Variants in UNC79 observed in about 807,000 individuals in gnomAD.
UNC79 encodes the protein unc-79 subunit of NALCN channel complex.
UNC79 carries 37 observed loss-of-function variants against 283.1 expected under a neutral mutation model. That is an observed-to-expected ratio of 0.13 (90% CI 0.10 to 0.17). UNC79 has a LOEUF of 0.17. Ranked by LOEUF, UNC79 falls within the 10% of genes least tolerant of loss-of-function variation. The probability of loss-of-function intolerance (pLI) is 1.00; values close to 1 mark genes in which losing one functional copy is unlikely to be tolerated. For synonymous variants in UNC79, 1,107 were observed against 1,200.2 expected (o/e 0.92, Z 1.61); for missense variants, 2,272 against 3,211.1 (o/e 0.71, Z 7.07).
chr14:93,522,540 A>G (rs2060368997), intron 7 of UNC79, among the ~76,000 whole-genome samples: 3 of 152,070 alleles, frequency 2.0e-5, no homozygotes, highest in Admixed American at 1.3e-4. Context: ...TTTTTCCTCT[A>G]TGTTACTCTA....
rs775342357 is a variant in UNC79, at chr14:93,617,264, G to A, written c.4184G>A (p.Arg1395Gln). Reference sequence around the variant, plus strand: ...CTCTGGTCCCTAAAGCCTCACATCCGGCAGATGTGGTTGAAGGCCTTGCTT... The same window carrying A: ...CTCTGGTCCCTAAAGCCTCACATCCAGCAGATGTGGTTGAAGGCCTTGCTT... The change falls in exon 28 of 49, where the codon CGG becomes CAG. Residue 1395 changes from arginine to glutamine, a missense_variant. Transcript: ENST00000555664. The surrounding 1 kb of genome is among the most constrained non-coding windows in gnomAD (Gnocchi z 4.5). 9.3e-6 allele frequency: 15 copies of A among 1,614,070 alleles called. No individual in the cohort carries two copies. Among genetic ancestry groups the A allele is most frequent in the African/African-American group, 1.3e-5 (1 of 75,012 alleles).
At chr14:93,665,216 G>A (rs1213881076) in intron 40 of UNC79, among the ~76,000 whole-genome samples, 2 of 146,446 alleles carry the variant, frequency 1.4e-5, no homozygotes, top group Non-Finnish European at 3.0e-5. Flanking sequence ...AATAGATTTA[G>A]TCATTTCAAA....
chr14:93,492,556 G>C (rs2058781911), intron 5 of UNC79, among the ~76,000 whole-genome samples: 1 of 152,088 alleles, frequency 6.6e-6, no homozygotes, highest in Non-Finnish European at 1.5e-5. Context: ...ATTTCATCAT[G>C]TTTGCCAGAC....
At chr14:93,620,498 T>G (rs1347681794) in intron 29 of UNC79, among the ~76,000 whole-genome samples, 1 of 152,180 alleles carries the variant, frequency 6.6e-6, no homozygotes, top group Non-Finnish European at 1.5e-5. Flanking sequence ...TAATTTCCTT[T>G]CGCCAAATCA....
chr14:93,619,270 G>T (rs570299830), intron 29 of UNC79, among the ~76,000 whole-genome samples: 13 of 152,218 alleles, frequency 8.5e-5, no homozygotes, highest in African/African-American at 3.1e-4. Flanking sequence ...CCAGTTTAGG[G>T]TTTAGTCTCT....
Position 93,703,573 on chromosome 14 carries a change from A to T in UNC79, c.7549-1052A>T, listed in dbSNP as rs540362631. 2.6e-5 allele frequency among the ~76,000 whole-genome samples: 4 copies of T among 152,304 alleles called. No homozygotes were observed. In the East Asian group the frequency reaches 7.7e-4, roughly 29 times the overall value. ...TGACCCCATCTTAACTAATTTACATATTCAACAATCCCATTTCCAAATAAG... is the reference window on the plus strand; with the variant it reads ...TGACCCCATCTTAACTAATTTACATTTTCAACAATCCCATTTCCAAATAAG... On this transcript the variant is annotated intron_variant, in intron 47 of 48. Coordinates refer to ENST00000555664, the Ensembl canonical transcript of UNC79.
rs1293366576 is a variant in UNC79, at chr14:93,688,595, C to T, written c.6910-70C>T. ...AGCGGGGTGGAAATGACAACCTCTTCTTTTCAAAGAATGGCCTGGAATGAA... is the reference window on the plus strand; with the variant it reads ...AGCGGGGTGGAAATGACAACCTCTTTTTTTCAAAGAATGGCCTGGAATGAA... On this transcript the variant is annotated intron_variant, in intron 43 of 48. Coordinates refer to ENST00000555664, the Ensembl canonical transcript of UNC79. This position sits in a 1 kb window ranked among gnomAD's most constrained non-coding sequence, Gnocchi z 4.0. The T allele has an allele frequency of 5.2e-6, 8 of 1,541,066 alleles. No homozygotes were observed. The highest frequency in any genetic ancestry group is 7.0e-6 in the Non-Finnish European group (8 of 1,138,694).
chr14:93,545,490 T>C (rs1039121358), intron 14 of UNC79, among the ~76,000 whole-genome samples: 1 of 152,202 alleles, frequency 6.6e-6, no homozygotes, highest in Non-Finnish European at 1.5e-5. Context: ...TTGGGTGAAT[T>C]CCTTTCTCCT....
At chr14:93,532,724 G>A (rs747493785) in intron 11 of UNC79, 146 bp downstream of exon 11, 9 of 939,220 alleles carry the variant, frequency 9.6e-6, no homozygotes, top group Non-Finnish European at 1.4e-5. Flanking sequence ...AAATAATTTA[G>A]CATGCAAGAT....
At chr14:93,441,262 A>G (rs758834831) in intron 1 of UNC79, among the ~76,000 whole-genome samples, 14 of 151,782 alleles carry the variant, frequency 9.2e-5, no homozygotes, top group Non-Finnish European at 1.5e-4. Context: ...TTTTCTTTTT[A>G]TTTGTGTTTG....
Position 93,542,711 on chromosome 14 carries a change from A to T in UNC79, c.1755+15A>T, listed in dbSNP as rs2061430349. The T allele has an allele frequency of 2.5e-6, 4 of 1,613,758 alleles. No homozygotes were observed. The highest frequency in any genetic ancestry group is 1.7e-4 in the Middle Eastern group (1 of 6,054). On this transcript the variant is annotated intron_variant, in intron 14 of 48. Coordinates refer to ENST00000555664, the Ensembl canonical transcript of UNC79. ...AATTTGCCAGGGTAAGTGGAGGCCT[A>T]CAGCTCACACCTTGTTAGAGAGGAG...
chr14:93,630,178 C>T (rs2067907689), intron 30 of UNC79, among the ~76,000 whole-genome samples: 1 of 152,224 alleles, frequency 6.6e-6, no homozygotes, highest in African/African-American at 2.4e-5. Flanking sequence ...GGGTTGAGTA[C>T]AGTCCATGCT....
Position 93,400,450 on chromosome 14 carries a change from T to C in UNC79, c.-351+66927T>C, listed in dbSNP as rs537747485. The stretch of plus-strand genomic sequence containing the variant: ...GTTAAATATGGTATAAATTAGCAGA[T>C]AAGTGCCACATGAATGGTTCAGGAA... On this transcript the variant is annotated intron_variant, in intron 1 of 49. Coordinates refer to the UNC79 transcript ENST00000256339. 3.9e-5 allele frequency among the ~76,000 whole-genome samples: 6 copies of C among 152,194 alleles called. No individual in the cohort carries two copies. In the East Asian group the frequency reaches 1.2e-3, roughly 29 times the overall value.
At chr14:93,348,983 A>T (rs1236134620) in intron 1 of UNC79, among the ~76,000 whole-genome samples, 2 of 152,206 alleles carry the variant, frequency 1.3e-5, no homozygotes, top group African/African-American at 4.8e-5. Flanking sequence ...CTTCGCAATA[A>T]ATCTTGCTGC....
rs1195772496 is a variant in UNC79 at position 93,688,152 on chromosome 14, C to T, written c.6910-513C>T. 1.3e-5 allele frequency among the ~76,000 whole-genome samples: 2 copies of T among 152,128 alleles called. No homozygotes were observed. The highest frequency in any genetic ancestry group is 4.8e-5 in the African/African-American group (2 of 41,406). ...TTGGGGATGCTGTGATGAGCAAAAG[C>T]GGACACAGTAGCTGCTCTCATTTAA... On this transcript the variant is annotated intron_variant, in intron 43 of 48. Coordinates refer to ENST00000555664, the Ensembl canonical transcript of UNC79. This position sits in a 1 kb window ranked among gnomAD's most constrained non-coding sequence, Gnocchi z 4.0.
chr14:93,678,753 A>C (rs1214895426), intron 41 of UNC79, among the ~76,000 whole-genome samples: 3 of 152,194 alleles, frequency 2.0e-5, no homozygotes, highest in Non-Finnish European at 2.9e-5. Flanking sequence ...TTTACATATG[A>C]AGTTTACATA....
intron 7 of UNC79, among the ~76,000 whole-genome samples, chr14:93,507,520 A>G (rs2059606382): frequency 6.6e-6 from 1 of 152,176 alleles, no homozygotes; most frequent in Non-Finnish European, 1.5e-5. Flanking sequence ...TATCTTATGA[A>G]GTACCTGAGA....
chr14:93,685,535 A>T (rs1051580199), intron 42 of UNC79, among the ~76,000 whole-genome samples: 2 of 152,206 alleles, frequency 1.3e-5, no homozygotes, highest in African/African-American at 2.4e-5. Context: ...TGTCAGAAGA[A>T]CTGACAAGCG....
At chr14:93,622,004 G>T in exon 30 of UNC79, 1 of 1,614,042 alleles carries the variant, frequency 6.2e-7, no homozygotes, top group Non-Finnish European at 8.5e-7. Context: ...GACTTTCGAG[G>T]TGAAAGTTGA....
Sources: gnomAD v4.1 joint callset for allele counts (sites outside exome capture counted in the v4.1 genomes callset) on GRCh38, gnomAD v4.1.1 for gene constraint, Gnocchi (gnomAD v3.1) non-coding constraint, MANE v1.5 for transcripts, NCBI Gene and HGNC (gene_info 2026-07-23, HGNC 2026-07-21) for gene names.